Variants in ANKS1B observed in about 807,000 individuals in gnomAD.
ANKS1B encodes the protein ankyrin repeat and sterile alpha motif domain-containing protein 1B.
In ANKS1B, 36 loss-of-function variants were observed where a neutral mutation model predicts 148.3. The ratio of observed to expected loss-of-function variants is 0.24; its 90% CI spans 0.19 to 0.32. The LOEUF (loss-of-function observed/expected upper bound fraction) is 0.32, where lower values mean the gene tolerates loss of function less well. Ranked by LOEUF, ANKS1B falls within the 10% of genes least tolerant of loss-of-function variation. The pLI is 1.00. For missense variants in ANKS1B, 1,157 were observed against 1,542.6 expected (o/e 0.75, Z 4.19); for synonymous variants, 542 against 560.8 (o/e 0.97, Z 0.47).
chr12:99,016,525 A>C (rs2099942631), intron 17 of ANKS1B, among the ~76,000 whole-genome samples: 1 of 152,134 alleles, frequency 6.6e-6, no homozygotes, highest in South Asian at 2.1e-4. Context: ...GCGTGGTGGC[A>C]CATGCCTGTA....
intron 14 of ANKS1B, among the ~76,000 whole-genome samples, chr12:99,157,904 T>C (rs1420234650): frequency 1.3e-5 from 2 of 152,130 alleles, no homozygotes; most frequent in Non-Finnish European, 2.9e-5. Context: ...TCAGAGAAAA[T>C]ACTGGTTATG....
At position 99,322,067 on chromosome 12, in the gene ANKS1B, T is replaced by C. The variant is rs562232103; in HGVS notation, c.1757-75203A>G. On this transcript the variant is annotated intron_variant, in intron 12 of 26. Coordinates refer to ENST00000683438, the MANE Select transcript of ANKS1B (RefSeq NM_001352186.2). ...AAAGACAAATGCACACGTATGTTTATTGCAGCACTATTTACAATAGCTAAG... is the reference window on the plus strand; with the variant it reads ...AAAGACAAATGCACACGTATGTTTACTGCAGCACTATTTACAATAGCTAAG... Among the ~76,000 whole-genome samples the C allele has an allele frequency of 7.9e-5, 12 of 152,322 alleles. No homozygotes were observed. The South Asian group carries it at 1.2e-3, about 16-fold the overall frequency.
chr12:99,717,404 G>A (rs1013666999), intron 8 of ANKS1B, among the ~76,000 whole-genome samples: 3 of 152,246 alleles, frequency 2.0e-5, no homozygotes, highest in Non-Finnish European at 2.9e-5. Context: ...ACTTCCAAAC[G>A]CCTAAACCGC....
chr12:99,358,006 T>C (rs537175285), intron 12 of ANKS1B, among the ~76,000 whole-genome samples: 2 of 152,246 alleles, frequency 1.3e-5, no homozygotes, highest in East Asian at 3.9e-4. Flanking sequence ...TTGAATACTA[T>C]TCTTCAAATT....
At chr12:99,936,599 T>C (rs1390267955) in intron 1 of ANKS1B, among the ~76,000 whole-genome samples, 1 of 152,200 alleles carries the variant, frequency 6.6e-6, no homozygotes, top group African/African-American at 2.4e-5. Flanking sequence ...ACTGGGAATA[T>C]CTACTTCTCC....
At chr12:98,865,243 C>T (rs1348231219) in intron 17 of ANKS1B, among the ~76,000 whole-genome samples, 1 of 152,156 alleles carries the variant, frequency 6.6e-6, no homozygotes, top group African/African-American at 2.4e-5. Context: ...TATTGCCTGA[C>T]AAATGTTTCA....
At chr12:99,519,171 C>T (rs567801659) in intron 9 of ANKS1B, among the ~76,000 whole-genome samples, 2 of 152,154 alleles carry the variant, frequency 1.3e-5, no homozygotes, top group South Asian at 4.1e-4. Flanking sequence ...GATCCATGTG[C>T]TAAGGAACAG....
At chr12:99,645,741 T>C (rs2098355621) in intron 9 of ANKS1B, among the ~76,000 whole-genome samples, 1 of 152,128 alleles carries the variant, frequency 6.6e-6, no homozygotes, top group African/African-American at 2.4e-5. Context: ...TTGAGGCAAA[T>C]GCTAAAAAGG....
At chr12:99,172,737 A>T (rs965137046) in intron 14 of ANKS1B, among the ~76,000 whole-genome samples, 1 of 149,560 alleles carries the variant, frequency 6.7e-6, no homozygotes, top group Non-Finnish European at 1.5e-5. Context: ...TATGCTTTAC[A>T]AAGTGATGAA....
intron 1 of ANKS1B, among the ~76,000 whole-genome samples, chr12:99,888,599 A>G (rs1317728171): frequency 1.3e-5 from 2 of 152,188 alleles, no homozygotes; most frequent in African/African-American, 2.4e-5. Context: ...TATGTAGGCA[A>G]AGAGAAAAAA....
In ANKS1B at chr12:98,745,642, T is replaced by A. The variant is rs1405042190; in HGVS notation, c.*97A>T. Reference sequence around the variant, plus strand: ...ACAAGGCCGCACGCTCAGAGCAGTCTTCCTCCTGGGCTGGGTGGACGCGGA... The same window carrying A: ...ACAAGGCCGCACGCTCAGAGCAGTCATCCTCCTGGGCTGGGTGGACGCGGA... On this transcript the variant is annotated 3_prime_UTR_variant, in exon 27 of 27. Coordinates refer to ENST00000683438, the MANE Select transcript of ANKS1B (RefSeq NM_001352186.2). The A allele has an allele frequency of 6.5e-6, 10 of 1,535,310 alleles. No individual in the cohort carries two copies. The highest frequency in any genetic ancestry group is 8.8e-6 in the Non-Finnish European group (10 of 1,140,084).
chr12:99,374,592 A>G (rs778848577), intron 12 of ANKS1B, among the ~76,000 whole-genome samples: 3 of 152,210 alleles, frequency 2.0e-5, no homozygotes, highest in East Asian at 1.9e-4. Flanking sequence ...ATTTATTTCA[A>G]TGTTTAATAT....
chr12:98,769,164 A>C (rs1244369681), intron 25 of ANKS1B, among the ~76,000 whole-genome samples: 41 of 29,468 alleles, frequency 1.4e-3, no homozygotes, highest in African/African-American at 4.6e-3. Context: ...GGTCTTCTTT[A>C]CTTTTTTTTT....
At chr12:99,151,024 A>C (rs1251552019) in intron 15 of ANKS1B, among the ~76,000 whole-genome samples, 1 of 152,172 alleles carries the variant, frequency 6.6e-6, no homozygotes, top group East Asian at 1.9e-4. Context: ...TGATTGTACA[A>C]ATTTCTATTT....
intron 14 of ANKS1B, among the ~76,000 whole-genome samples, chr12:99,201,672 C>A (rs2082086658): frequency 6.6e-6 from 1 of 152,084 alleles, no homozygotes; most frequent in Admixed American, 6.5e-5. Flanking sequence ...TCCTTTGCTG[C>A]AAAGGAAGCC....
chr12:99,413,376 T>A (rs12425972), intron 11 of ANKS1B, among the ~76,000 whole-genome samples: 3 of 151,826 alleles, frequency 2.0e-5, no homozygotes, highest in Non-Finnish European at 2.9e-5. Context: ...CACCACACTA[T>A]AGGTAAAGCA....
chr12:98,948,586 C>T (rs2099848881), intron 17 of ANKS1B, among the ~76,000 whole-genome samples: 1 of 152,128 alleles, frequency 6.6e-6, no homozygotes, highest in Non-Finnish European at 1.5e-5. Flanking sequence ...GATTAACCAA[C>T]GACCTGCCAA....
intron 9 of ANKS1B, among the ~76,000 whole-genome samples, chr12:99,523,147 T>G (rs2096891717): frequency 6.6e-6 from 1 of 152,210 alleles, no homozygotes; most frequent in Admixed American, 6.5e-5. Context: ...AACTAAAGCA[T>G]CTTAATTGAC....
intron 17 of ANKS1B, among the ~76,000 whole-genome samples, chr12:98,887,617 A>T (rs2099743074): frequency 6.7e-6 from 1 of 149,274 alleles, no homozygotes; most frequent in East Asian, 2.0e-4. Flanking sequence ...CAATAAAACC[A>T]TTTTTTTTTT....
Sources: allele counts gnomAD v4.1 joint callset (sites outside exome capture counted in the v4.1 genomes callset), GRCh38; gene constraint gnomAD v4.1.1; transcripts MANE v1.5; gene names NCBI Gene and HGNC (gene_info 2026-07-23, HGNC 2026-07-21).